KCTD19: variants seen among roughly 807,000 people sequenced by gnomAD.
KCTD19 encodes the protein BTB/POZ domain-containing protein KCTD19.
A neutral mutation model predicts 103.5 loss-of-function variants in KCTD19; 67 were observed. That is an observed-to-expected ratio of 0.65 (90% confidence interval 0.53 to 0.79). The LOEUF is 0.79. Among genes scored for constraint, KCTD19 ranks in the 30% least tolerant of loss-of-function variants. The pLI is 0.00. For missense variants in KCTD19, 980 were observed against 1,136.1 expected, an observed-to-expected ratio of 0.86 and a Z score of 1.98; for synonymous variants, 439 against 452.2, an observed-to-expected ratio of 0.97 and a Z score of 0.37.
At chr16:67,305,498 C>T (rs1478374891) in intron 2 of KCTD19, 9 of 400,230 alleles carry the variant, frequency 2.2e-5, no homozygotes, top group African/African-American at 1.7e-4. Context: ...CTTGAAGGAT[C>T]AGGCGACCAG....
intron 15 of KCTD19, 24 bp from the exon 16 acceptor site, chr16:67,289,706 C>G (rs370542549): frequency 6.4e-7 from 1 of 1,552,586 alleles, no homozygotes; most frequent in African/African-American, 1.4e-5. Context: ...CCAGTCTTAT[C>G]CCTGATTTCC....
chr16:67,293,719 G>A lies in KCTD19; in HGVS notation c.2043C>T (p.Ser681=), dbSNP rs1438493803. The A allele has an allele frequency of 1.9e-6, 3 of 1,614,082 alleles. No individual in the cohort carries two copies. The highest frequency in any genetic ancestry group is 3.3e-5 in the Admixed American group (2 of 60,018). ...PLGSEAASQP[S]TSAAWKAHST... ...AATGGGCTTTCCAGGCAGCTGAGGT[G>A]CTGGGCTGGGAAGCAGCCTCGCTTC... is the stretch of plus-strand genomic sequence containing the variant. The change falls in exon 12 of 16, where the codon AGC becomes AGT. Residue 681 remains serine (S), a synonymous_variant. Transcript: ENST00000304372. The surrounding 1 kb of genome is among the most constrained non-coding windows in gnomAD (Gnocchi z 4.0).
chr16:67,319,979 A>C (rs2037054529), intron 2 of KCTD19, among the ~76,000 whole-genome samples: 1 of 152,266 alleles, frequency 6.6e-6, no homozygotes, highest in Non-Finnish European at 1.5e-5. Context: ...AACAAGAAGT[A>C]GCTTAATATA....
At chr16:67,314,773 G>A (rs963791116) in intron 2 of KCTD19, among the ~76,000 whole-genome samples, 2 of 134,828 alleles carry the variant, frequency 1.5e-5, no homozygotes, top group Non-Finnish European at 3.1e-5. Context: ...TCACTTAGCT[G>A]ACATGATGGT....
intron 5 of KCTD19, 48 bp downstream of exon 5, chr16:67,301,743 G>A (rs2036836401): frequency 1.3e-6 from 2 of 1,588,622 alleles, no homozygotes; most frequent in Admixed American, 1.7e-5. Flanking sequence ...GCTTTTCCAG[G>A]TCAAGCCAAG....
chr16:67,320,873 T>C lies in KCTD19; in HGVS notation c.16A>G (p.Met6Val). The C allele has an allele frequency of 7.4e-6, 12 of 1,611,674 alleles. 1 individual carries two copies. The highest frequency in any genetic ancestry group is 1.3e-5 in the African/African-American group (1 of 74,768). ...AAGTCCTCTGCTGATTCATGAGCCA[T>C]GCCAGACTCCTCCTAAAGGGGGAAT... MEESG[M>V]AHESAEDLFH... Residue 6 changes from methionine to valine, a missense_variant, in exon 2 of 16, where the codon ATG (methionine) becomes GTG (valine). Transcript: ENST00000304372. The surrounding 1 kb of genome is among the most constrained non-coding windows in gnomAD (Gnocchi z 4.0).
At chr16:67,321,697 T>A (rs539234954) in intron 1 of KCTD19, 4 of 152,264 alleles carry the variant, frequency 2.6e-5, no homozygotes, top group African/African-American at 9.6e-5. Context: ...CTCATTAGGA[T>A]GTGTCTGAAG....
chr16:67,324,951 GT>G (rs1412619279), intron 1 of KCTD19, among the ~76,000 whole-genome samples: 53 of 152,164 alleles, frequency 3.5e-4, no homozygotes, highest in Non-Finnish European at 1.2e-4. Flanking sequence ...CTTTCTACAA[GT>G]TCATGTTCAG....
chr16:67,292,724 T>G (rs913712935), intron 12 of KCTD19, among the ~76,000 whole-genome samples: 1 of 152,178 alleles, frequency 6.6e-6, no homozygotes, highest in African/African-American at 2.4e-5. Flanking sequence ...CCACCTTCCC[T>G]TAGCTGGCTA....
At position 67,293,347 on chromosome 16, in the gene KCTD19, G is replaced by A. The variant is rs530515679; in HGVS notation, c.2218+197C>T. Reference sequence around the variant, plus strand: ...TCCTTCCCACAGCACTCATCCCTTCGCCGTGTGTGTTCTCCTGGCCCCTCC... The same window carrying A: ...TCCTTCCCACAGCACTCATCCCTTCACCGTGTGTGTTCTCCTGGCCCCTCC... On this transcript the variant is annotated intron_variant, in intron 12 of 15. Coordinates refer to ENST00000304372, the MANE Select transcript of KCTD19 (RefSeq NM_001100915.3). The surrounding 1 kb of genome is among the most constrained non-coding windows in gnomAD (Gnocchi z 4.0). 2.8e-4 allele frequency among the ~76,000 whole-genome samples: 43 copies of A among 152,120 alleles called. No homozygotes were observed. Among genetic ancestry groups the A allele is most frequent in the Non-Finnish European group, 5.0e-4 (34 of 67,982 alleles).
chr16:67,325,199 C>CTTTTTTTTTTTTT, intron 1 of KCTD19, among the ~76,000 whole-genome samples: 1 of 132,334 alleles, frequency 7.6e-6, no homozygotes, highest in African/African-American at 3.4e-5. Context: ...TTCTTTTTTT[C>CTTTTTTTTTTTTT]TTTTTTTCTT....
intron 5 of KCTD19, chr16:67,301,500 C>T (rs917989529): frequency 3.8e-6 from 1 of 264,670 alleles, no homozygotes; most frequent in East Asian, 8.7e-5. Context: ...CAGGACATTC[C>T]AGCCTGGCTC....
At chr16:67,325,533 C>T (rs1459064928) in intron 1 of KCTD19, among the ~76,000 whole-genome samples, 3 of 152,168 alleles carry the variant, frequency 2.0e-5, no homozygotes, top group Non-Finnish European at 4.4e-5. Context: ...TGAGCCACCA[C>T]GCCCAGCCCA....
At chr16:67,311,405 C>T (rs1342583135) in intron 2 of KCTD19, among the ~76,000 whole-genome samples, 1 of 151,976 alleles carries the variant, frequency 6.6e-6, no homozygotes, top group Admixed American at 6.6e-5. Flanking sequence ...CAGGTTCAAG[C>T]GATTCTCCTG....
intron 14 of KCTD19, 143 bp from the exon 15 acceptor site, chr16:67,291,129 A>C: frequency 2.5e-6 from 3 of 1,184,524 alleles, no homozygotes; most frequent in Non-Finnish European, 3.6e-6. Flanking sequence ...CTCTTGGCCG[A>C]GGCTCAGTCC....
At chr16:67,318,516 C>T (rs549882396) in intron 2 of KCTD19, among the ~76,000 whole-genome samples, 6 of 146,886 alleles carry the variant, frequency 4.1e-5, no homozygotes, top group East Asian at 2.0e-4. Context: ...GCCGAGATAG[C>T]GCCACTGCAC....
intron 2 of KCTD19, among the ~76,000 whole-genome samples, chr16:67,319,779 T>TC (rs1316538801): frequency 5.3e-5 from 8 of 151,724 alleles, no homozygotes; most frequent in Admixed American, 1.3e-4. Context: ...GTTTTTTTTT[T>TC]TCTCTCTCTT....
In KCTD19 at chr16:67,289,732, T is replaced by C. The variant is rs759192631; in HGVS notation, c.2668-50A>G. The C allele has an allele frequency of 3.3e-5, 46 of 1,378,104 alleles. No individual in the cohort carries two copies. In the East Asian group the frequency reaches 7.8e-4, roughly 23 times the overall value. 85.4% of individuals were successfully genotyped at this position (1,378,104 alleles called of 1,614,324 possible). A position where few individuals can be genotyped will look rare whatever the true frequency, so the allele number is the denominator to read the frequency against. ...CCTGATTTCCTGGCCAGTTGTCTAC[T>C]CTAGCTCCATGTGGGTGGGGTTCTC... On this transcript the variant is annotated intron_variant, in intron 15 of 15. Coordinates refer to ENST00000304372, the MANE Select transcript of KCTD19 (RefSeq NM_001100915.3).
At chr16:67,302,090 A>C in intron 4 of KCTD19, 168 bp from the exon 5 acceptor site, 1 of 604,672 alleles carries the variant, frequency 1.7e-6, no homozygotes, top group Non-Finnish European at 2.9e-6. Context: ...GTGGTTTTCA[A>C]GGCGAAAGAC....
Sources: allele counts gnomAD v4.1 joint callset (sites outside exome capture counted in the v4.1 genomes callset), GRCh38; gene constraint gnomAD v4.1.1; non-coding constraint Gnocchi (gnomAD v3.1); transcripts MANE v1.5; gene names NCBI Gene and HGNC (gene_info 2026-07-23, HGNC 2026-07-21).